The following GOLIM4 variants were observed in gnomAD, a reference collection of about 807,000 sequenced individuals.
GOLIM4 encodes the protein golgi integral membrane protein 4.
GOLIM4 carries 71 observed loss-of-function variants against 107.4 expected under a neutral mutation model. The ratio of observed to expected loss-of-function variants is 0.66; its 90% confidence interval spans 0.55 to 0.81. The LOEUF (loss-of-function observed/expected upper bound fraction) is 0.81, where lower values mean the gene tolerates loss of function less well. Among genes scored for constraint, GOLIM4 ranks in the 30% least tolerant of loss-of-function variants. The pLI is 0.00. For missense variants in GOLIM4, 830 were observed against 826.1 expected (o/e 1.00, Z -0.06); for synonymous variants, 327 against 294.8 (o/e 1.11, Z -1.12).
intron 7 of GOLIM4, among the ~76,000 whole-genome samples, chr3:168,039,123 G>C (rs374145950): frequency 6.6e-6 from 1 of 151,974 alleles, no homozygotes; most frequent in African/African-American, 2.4e-5. Context: ...GCAGCCCAAA[G>C]TAACTAACAC....
intron 1 of GOLIM4, among the ~76,000 whole-genome samples, chr3:168,064,636 T>C (rs1312797880): frequency 6.6e-6 from 1 of 150,878 alleles, no homozygotes; most frequent in Non-Finnish European, 1.5e-5. Flanking sequence ...AGGGTCTCGC[T>C]ACGTTGCCCA....
At chr3:168,080,050 C>T (rs533716705) in intron 1 of GOLIM4, among the ~76,000 whole-genome samples, 47 of 151,910 alleles carry the variant, frequency 3.1e-4, no homozygotes, top group African/African-American at 7.0e-4. Context: ...TCATGTGCTA[C>T]GTAAAAATGA....
chr3:168,048,749 C>T (rs1213185529), intron 1 of GOLIM4, among the ~76,000 whole-genome samples: 1 of 152,236 alleles, frequency 6.6e-6, no homozygotes, highest in East Asian at 1.9e-4. Context: ...CACATCTACA[C>T]TTCCACCTCT....
Position 168,040,819 on chromosome 3 carries a change from CAA to C in GOLIM4, c.649_650del (p.Leu217GlyfsTer18). On this transcript the variant is annotated frameshift_variant, in exon 7 of 16. Coordinates refer to ENST00000470487, the MANE Select transcript of GOLIM4 (RefSeq NM_014498.5). LOFTEE classifies it high-confidence loss of function. ...CAGCTAGTGCACTCTTGTGGTCTTC[CAA>C]AGTCACTACAAGTTGTTCATGCTCG... is the stretch of plus-strand genomic sequence containing the variant. ...LSEHEQLVVT[L>X]EDHKSALAAA... 1 of 1,613,328 alleles carries C rather than the reference CAA, an allele frequency of 6.2e-7. No individual in the cohort carries two copies. Among genetic ancestry groups the C allele is most frequent in the Non-Finnish European group, 8.5e-7 (1 of 1,179,346 alleles).
chr3:168,013,617 C>T (rs1490086807), intron 14 of GOLIM4, among the ~76,000 whole-genome samples: 2 of 148,454 alleles, frequency 1.3e-5, no homozygotes, highest in Non-Finnish European at 2.9e-5. Flanking sequence ...ACACCTATTC[C>T]AAAATTGACC....
chr3:168,081,778 T>C (rs1721381467), intron 1 of GOLIM4, among the ~76,000 whole-genome samples: 1 of 152,202 alleles, frequency 6.6e-6, no homozygotes, highest in Admixed American at 6.5e-5. Context: ...ATTCAGAAAG[T>C]ACACATTTCT....
chr3:168,066,678 T>C (rs1310489280), intron 1 of GOLIM4, among the ~76,000 whole-genome samples: 4 of 152,166 alleles, frequency 2.6e-5, no homozygotes, highest in Non-Finnish European at 5.9e-5. Flanking sequence ...ACAGTTTATA[T>C]ACAAATAACT....
intron 14 of GOLIM4, among the ~76,000 whole-genome samples, chr3:168,017,364 G>A (rs1244654058): frequency 3.9e-5 from 6 of 152,092 alleles, no homozygotes; most frequent in Admixed American, 2.0e-4. Context: ...AGTGGTGCAC[G>A]CCTGTAGTCT....
intron 9 of GOLIM4, among the ~76,000 whole-genome samples, chr3:168,031,800 TA>T (rs2108230215): frequency 6.6e-6 from 1 of 152,364 alleles, no homozygotes; most frequent in East Asian, 1.9e-4. Flanking sequence ...CACACCCATG[TA>T]AAGGCCAGGT....
intron 1 of GOLIM4, among the ~76,000 whole-genome samples, chr3:168,058,627 A>C (rs1406740113): frequency 6.6e-6 from 1 of 152,208 alleles, no homozygotes; most frequent in Non-Finnish European, 1.5e-5. Flanking sequence ...GTAAAACATA[A>C]GACAATTAGA....
At chr3:168,077,371 C>T (rs893531301) in intron 1 of GOLIM4, among the ~76,000 whole-genome samples, 3 of 152,160 alleles carry the variant, frequency 2.0e-5, no homozygotes, top group African/African-American at 7.2e-5. Flanking sequence ...TTTGTGGTTC[C>T]TATGACCCAC....
chr3:168,030,128 A>T lies in GOLIM4; in HGVS notation c.1177-92T>A, dbSNP rs1326519435. 4 of 1,283,628 alleles carry T rather than the reference A, an allele frequency of 3.1e-6. No homozygotes were observed. In the East Asian group the frequency reaches 9.4e-5, roughly 30 times the overall value. The allele number at this position is 1,283,628 out of a possible 1,614,324, so 79.5% of individuals were successfully genotyped here. A position where few individuals can be genotyped will look rare whatever the true frequency, so the allele number is the denominator to read the frequency against. ...TTCTCCTGACAAACTCAGGAGGCAG[A>T]GCTGGTTTATTAACGACTATTTGTC... On this transcript the variant is annotated intron_variant, in intron 9 of 15. Transcript: ENST00000470487.
intron 5 of GOLIM4, among the ~76,000 whole-genome samples, chr3:168,042,993 T>C (rs1719102951): frequency 6.6e-6 from 1 of 152,124 alleles, no homozygotes. Flanking sequence ...CCCTTGGAGA[T>C]TTTTAGAAAT....
chr3:168,031,211 A>G (rs1312258023), intron 9 of GOLIM4, among the ~76,000 whole-genome samples: 1 of 152,206 alleles, frequency 6.6e-6, no homozygotes, highest in Non-Finnish European at 1.5e-5. Context: ...AGAGAGACTG[A>G]TGAATGGTAC....
chr3:168,045,054 T>G (rs1719223297), intron 3 of GOLIM4, among the ~76,000 whole-genome samples, 173 bp from the exon 4 acceptor site: 1 of 152,158 alleles, frequency 6.6e-6, no homozygotes, highest in Non-Finnish European at 1.5e-5. Flanking sequence ...AGAAATGAAG[T>G]TTTAACATTC....
intron 14 of GOLIM4, among the ~76,000 whole-genome samples, chr3:168,022,819 G>A (rs1487483812): frequency 1.3e-5 from 2 of 152,164 alleles, no homozygotes; most frequent in Non-Finnish European, 1.5e-5. Flanking sequence ...TTTTTGGCAG[G>A]GAACCAGGTA....
At chr3:168,036,727 G>T (rs1316327145) in intron 8 of GOLIM4, 109 bp downstream of exon 8, 1 of 785,816 alleles carries the variant, frequency 1.3e-6, no homozygotes, top group East Asian at 2.5e-5. Context: ...ACTAAAATTT[G>T]AGAACTACTG....
chr3:168,021,025 T>C (rs1717647301), intron 14 of GOLIM4, among the ~76,000 whole-genome samples: 1 of 152,192 alleles, frequency 6.6e-6, no homozygotes, highest in African/African-American at 2.4e-5. Context: ...TCCCAAACAA[T>C]GCTTCTTGTT....
intron 14 of GOLIM4, among the ~76,000 whole-genome samples, chr3:168,018,152 G>A (rs532217120): frequency 1.3e-5 from 2 of 152,254 alleles, no homozygotes; most frequent in South Asian, 4.1e-4. Context: ...ATCTTTTCTA[G>A]GATCAGAGAA....
Sources: gnomAD v4.1 joint callset for allele counts (sites outside exome capture counted in the v4.1 genomes callset) on GRCh38, gnomAD v4.1.1 for gene constraint, MANE v1.5 for transcripts, NCBI Gene and HGNC (gene_info 2026-07-23, HGNC 2026-07-21) for gene names.